NEDD4L: variants seen among roughly 807,000 people sequenced by gnomAD.
NEDD4L encodes NEDD4 like E3 ubiquitin protein ligase.
In NEDD4L, 54 loss-of-function variants were observed where a neutral mutation model predicts 148.9. The observed-to-expected ratio is 0.36, with a 90% CI of 0.29 to 0.45. NEDD4L has a LOEUF of 0.45. Ranked by LOEUF, NEDD4L falls within the 20% of genes least tolerant of loss-of-function variation. NEDD4L has a pLI of 1.00. For missense variants in NEDD4L, 856 were observed against 1,233.8 expected, an observed-to-expected ratio of 0.69 and a Z score of 4.59; for synonymous variants, 433 against 440.7, an observed-to-expected ratio of 0.98 and a Z score of 0.22.
At chr18:58,367,924 T>C in intron 22 of NEDD4L, 57 bp downstream of exon 22, 1 of 1,586,968 alleles carries the variant, frequency 6.3e-7, no homozygotes. Flanking sequence ...CTAGTAGGTG[T>C]CTTATCTTTC....
intron 2 of NEDD4L, among the ~76,000 whole-genome samples, chr18:58,234,963 T>C (rs72947095): frequency 0.044 from 6,678 of 152,014 alleles, 222 homozygotes; most frequent in Non-Finnish European, 0.063. Flanking sequence ...ATTTCGCCTG[T>C]GAGAATCAAG....
chr18:58,262,867 G>T (rs1037116986), intron 5 of NEDD4L, among the ~76,000 whole-genome samples: 1 of 152,126 alleles, frequency 6.6e-6, no homozygotes, highest in Non-Finnish European at 1.5e-5. Context: ...TGTCCTAAAC[G>T]GGCACTTTCC....
chr18:58,160,967 G>A (rs1233077029), intron 1 of NEDD4L, among the ~76,000 whole-genome samples: 3 of 151,978 alleles, frequency 2.0e-5, no homozygotes, highest in Non-Finnish European at 4.4e-5. Flanking sequence ...TTGCAGCTCT[G>A]TACCTTTGTG....
chr18:58,158,817 G>A (rs1474582597), intron 1 of NEDD4L, among the ~76,000 whole-genome samples: 1 of 152,096 alleles, frequency 6.6e-6, no homozygotes, highest in Non-Finnish European at 1.5e-5. Flanking sequence ...TCCACCCTGG[G>A]TCTTTGTTCT....
Position 58,300,064 on chromosome 18 carries a change from G to A in NEDD4L, c.298-15918G>A, listed in dbSNP as rs1482998004. 3.3e-5 allele frequency among the ~76,000 whole-genome samples: 5 copies of A among 152,294 alleles called. No homozygotes were observed. The East Asian group carries it at 7.7e-4, about 24-fold the overall frequency. ...TAAGAGACTGTACATATTGTCATGG[G>A]TAAGGATTTAGATCTTGGCTCCACT... On this transcript the variant is annotated intron_variant, in intron 5 of 30. Coordinates refer to ENST00000400345, the MANE Select transcript of NEDD4L (RefSeq NM_001144967.3).
chr18:58,107,649 G>T (rs1407591485), intron 1 of NEDD4L, among the ~76,000 whole-genome samples: 3 of 151,874 alleles, frequency 2.0e-5, no homozygotes, highest in African/African-American at 7.3e-5. Context: ...AGCCTGGGAA[G>T]TCAAGTCTGC....
intron 5 of NEDD4L, among the ~76,000 whole-genome samples, chr18:58,270,221 A>G (rs1228390738): frequency 6.6e-6 from 1 of 152,224 alleles, no homozygotes; most frequent in African/African-American, 2.4e-5. Context: ...CATGAATTTC[A>G]GAGAAGTGGG....
At chr18:58,263,705 A>G (rs1646386513) in intron 5 of NEDD4L, among the ~76,000 whole-genome samples, 1 of 125,978 alleles carries the variant, frequency 7.9e-6, no homozygotes, top group Admixed American at 1.0e-4. Flanking sequence ...TTTCAAATGC[A>G]TGGCTAGGTA....
intron 1 of NEDD4L, among the ~76,000 whole-genome samples, chr18:58,106,632 T>G (rs1006926377): frequency 6.6e-6 from 1 of 152,224 alleles, no homozygotes; most frequent in Admixed American, 6.5e-5. Context: ...AGGGTTGTTA[T>G]GAAGATTAAA....
At chr18:58,200,474 G>A (rs555949090) in intron 2 of NEDD4L, among the ~76,000 whole-genome samples, 16 of 152,164 alleles carry the variant, frequency 1.1e-4, no homozygotes, top group Admixed American at 2.6e-4. Flanking sequence ...ATAAGTAATT[G>A]TGGCTTCTGG....
chr18:58,053,856 A>G (rs768199592), intron 1 of NEDD4L, among the ~76,000 whole-genome samples: 6 of 152,208 alleles, frequency 3.9e-5, no homozygotes, highest in Non-Finnish European at 7.3e-5. Flanking sequence ...AACATCTGTT[A>G]TGAATGAATG....
At chr18:58,065,211 C>T (rs1158579535) in intron 1 of NEDD4L, among the ~76,000 whole-genome samples, 1 of 152,212 alleles carries the variant, frequency 6.6e-6, no homozygotes, top group Non-Finnish European at 1.5e-5. Context: ...TAAATTAACA[C>T]AATTTATTTA....
At chr18:58,081,738 T>A (rs1265053904) in intron 1 of NEDD4L, among the ~76,000 whole-genome samples, 1 of 152,160 alleles carries the variant, frequency 6.6e-6, no homozygotes, top group East Asian at 1.9e-4. Flanking sequence ...TGAACCCTTG[T>A]CCCTGCTTCG....
At chr18:58,344,686 G>A (rs949196169) in intron 16 of NEDD4L, among the ~76,000 whole-genome samples, 3 of 152,060 alleles carry the variant, frequency 2.0e-5, no homozygotes, top group Admixed American at 6.6e-5. Context: ...AGTAAGAGAC[G>A]GGCAGCTCGT....
rs767256610 is a variant in NEDD4L, at chr18:58,370,467, G to C, written c.2256G>C (p.Val752=). The C allele has an allele frequency of 2.5e-6, 4 of 1,598,340 alleles. No individual in the cohort carries two copies. The Admixed American group carries it at 6.7e-5, about 27-fold the overall frequency. ...TAACCCTGAATGACATGGAATCTGT[G>C]GTAAGTAAATGCACGTCACACACTG... ...KQITLNDMES[V]DSEYYNSLKW... The change falls in exon 23 of 31, where the codon GTG becomes GTC. Residue 752 remains valine, a splice_region_variant and synonymous_variant. Coordinates refer to ENST00000400345, the MANE Select transcript of NEDD4L (RefSeq NM_001144967.3).
At chr18:58,234,082 T>C (rs2045622460) in intron 2 of NEDD4L, among the ~76,000 whole-genome samples, 1 of 94,830 alleles carries the variant, frequency 1.1e-5, no homozygotes. Flanking sequence ...TCTTTCTTTC[T>C]TTCTTTCTTT....
At chr18:58,131,289 GT>G (rs2032095159) in intron 1 of NEDD4L, among the ~76,000 whole-genome samples, 1 of 142,832 alleles carries the variant, frequency 7.0e-6, no homozygotes, top group Admixed American at 7.2e-5. Flanking sequence ...TGTGGGTTTG[GT>G]TGTGATCTAG....
chr18:58,315,371 C>T (rs916541239), intron 5 of NEDD4L, among the ~76,000 whole-genome samples: 1 of 151,806 alleles, frequency 6.6e-6, no homozygotes, highest in African/African-American at 2.4e-5. Flanking sequence ...GAGATACGTG[C>T]AGTATGGTAG....
chr18:58,272,388 C>A (rs567711936), intron 5 of NEDD4L, among the ~76,000 whole-genome samples: 2 of 152,108 alleles, frequency 1.3e-5, no homozygotes, highest in Non-Finnish European at 2.9e-5. Context: ...GTAATCCCAG[C>A]GCTTTGAGAG....
Sources: allele counts gnomAD v4.1 joint callset (sites outside exome capture counted in the v4.1 genomes callset), GRCh38; gene constraint gnomAD v4.1.1; transcripts MANE v1.5; gene names NCBI Gene and HGNC (gene_info 2026-07-23, HGNC 2026-07-21).